KIF9: variants seen among roughly 807,000 people sequenced by gnomAD.
KIF9 encodes the protein kinesin-like protein KIF9.
Under a neutral mutation model 94.8 loss-of-function variants are expected in KIF9, and 68 were observed. That is an observed-to-expected ratio of 0.72 (90% CI 0.59 to 0.88). The LOEUF (loss-of-function observed/expected upper bound fraction) is 0.88, where lower values mean the gene tolerates loss of function less well. Among genes scored for constraint, KIF9 ranks in the 40% least tolerant of loss-of-function variants. KIF9 has a pLI of 0.00. For synonymous variants in KIF9, 343 were observed against 362.1 expected, an observed-to-expected ratio of 0.95 and a Z score of 0.60; for missense variants, 882 against 982.5, an observed-to-expected ratio of 0.90 and a Z score of 1.37.
rs1178043860 is a variant in KIF9, at chr3:47,243,104, G to T, written c.1656C>A (p.Ser552=). Residue 552 remains serine (S), a synonymous_variant, in exon 16 of 21, where the codon TCC becomes TCA. Transcript: ENST00000684063. ...KDMLSRDRET[S]SIEPLPSDSP... ...AGTCTGAGGGAAGGGGCTCAATGCT[G>T]GAAGTTTCCCGGTCCCGCGAAAGCA... The T allele has an allele frequency of 1.9e-6, 3 of 1,613,806 alleles. No individual in the cohort carries two copies. The South Asian group carries it at 3.3e-5, about 18-fold the overall frequency.
At chr3:47,249,239 G>T (rs551148430) in intron 10 of KIF9, among the ~76,000 whole-genome samples, 6 of 150,672 alleles carry the variant, frequency 4.0e-5, no homozygotes, top group African/African-American at 1.2e-4. Context: ...TCTGCCTCCC[G>T]GGTTCATGTA....
rs199777466 is a variant in KIF9, at chr3:47,267,025, T to C, written c.719A>G (p.Lys240Arg). Residue 240 changes from lysine to arginine, a missense_variant, in exon 7 of 21, where the codon AAA (lysine) becomes AGA (arginine). Transcript: ENST00000684063. Reference sequence around the variant, plus strand: ...GCCTGCCAGATCCACCAAGTTAATTTTGGAAGTGATGTACTTTTCCTCTGA... The same window carrying C: ...GCCTGCCAGATCCACCAAGTTAATTCTGGAAGTGATGTACTTTTCCTCTGA... The part of the protein sequence containing the change: ...TLSEEKYITS[K>R]INLVDLAGSE... 1 of 1,613,882 alleles carries C rather than the reference T, an allele frequency of 6.2e-7. No homozygotes were observed. The highest frequency in any genetic ancestry group is 2.2e-5 in the East Asian group (1 of 44,874).
At chr3:47,268,776 G>A (rs1214883898) in intron 5 of KIF9, among the ~76,000 whole-genome samples, 4 of 151,802 alleles carry the variant, frequency 2.6e-5, no homozygotes, top group African/African-American at 7.3e-5. Flanking sequence ...GTAGAGACAG[G>A]GTTTCGCCAT....
At chr3:47,231,190 A>G (rs1284339302) in intron 20 of KIF9, among the ~76,000 whole-genome samples, 3 of 152,172 alleles carry the variant, frequency 2.0e-5, no homozygotes, top group African/African-American at 4.8e-5. Flanking sequence ...GCAGTATGCA[A>G]AAAGATAACG....
intron 15 of KIF9, 81 bp downstream of exon 15, chr3:47,244,710 A>G: frequency 1.3e-6 from 2 of 1,516,064 alleles, no homozygotes; most frequent in South Asian, 1.2e-5. Context: ...ACCAGGGGGA[A>G]AGTGGGAACA....
At chr3:47,242,768 G>A (rs191864250) in intron 16 of KIF9, among the ~76,000 whole-genome samples, 184 of 152,264 alleles carry the variant, frequency 1.2e-3, no homozygotes, top group Middle Eastern at 0.01. Flanking sequence ...TAAATCTTTT[G>A]AATGCAGTAC....
In KIF9 at chr3:47,236,020, C is replaced by T; in HGVS notation, c.2217+14G>A. The T allele has an allele frequency of 1.3e-6, 2 of 1,594,276 alleles. No individual in the cohort carries two copies. The highest frequency in any genetic ancestry group is 1.7e-6 in the Non-Finnish European group (2 of 1,162,246). ...GTTCAACCACTGCCACACCCCTGCC[C>T]CTGTGCCGCTCACCAGAGACACAAT... On this transcript the variant is annotated intron_variant, in intron 19 of 20. Transcript: ENST00000684063.
At position 47,247,432 on chromosome 3, in the gene KIF9, T is replaced by C; in HGVS notation, c.1174A>G (p.Ile392Val). The C allele has an allele frequency of 1.2e-6, 2 of 1,613,982 alleles. No individual in the cohort carries two copies. The highest frequency in any genetic ancestry group is 8.5e-7 in the Non-Finnish European group (1 of 1,179,846). The change falls in exon 12 of 21, where the codon ATT (isoleucine) becomes GTT (valine). Residue 392 changes from isoleucine (I) to valine (V), a missense_variant. By Grantham distance (29) the Ile-to-Val change is conservative (BLOSUM62 3). Coordinates refer to ENST00000684063, the MANE Select transcript of KIF9 (RefSeq NM_182902.4). The stretch of plus-strand genomic sequence containing the variant: ...CGCACCTGGGAGTTGATCTCAGCAA[T>C]CTGGATTTCATCCATGGGGTCATAG... Reference protein sequence around the residue: ...VTYDPMDEIQIAEINSQVRRY... With the variant: ...VTYDPMDEIQVAEINSQVRRY...
chr3:47,241,852 A>ACATG (rs1699551344), intron 16 of KIF9, among the ~76,000 whole-genome samples: 1 of 118,076 alleles, frequency 8.5e-6, no homozygotes, highest in Non-Finnish European at 1.8e-5. Flanking sequence ...AAATATATAT[A>ACATG]TATATATATA....
chr3:47,254,413 G>C (rs144439471), intron 10 of KIF9, among the ~76,000 whole-genome samples: 3 of 152,132 alleles, frequency 2.0e-5, no homozygotes, highest in Non-Finnish European at 2.9e-5. Flanking sequence ...AGCTGAGATC[G>C]CACCACTGCA....
At chr3:47,231,410 T>TC (rs1698573403) in intron 20 of KIF9, among the ~76,000 whole-genome samples, 1 of 108,608 alleles carries the variant, frequency 9.2e-6, no homozygotes, top group Non-Finnish European at 2.1e-5. Flanking sequence ...TCTACTTTTT[T>TC]TTTTTTTTTT....
chr3:47,262,236 T>TA (rs1244898940), intron 9 of KIF9, among the ~76,000 whole-genome samples: 1 of 151,996 alleles, frequency 6.6e-6, no homozygotes, highest in Admixed American at 6.5e-5. Flanking sequence ...GCCCATTTCT[T>TA]ATGGCTCTTC....
At chr3:47,281,095 C>A (rs751768679) in intron 1 of KIF9, 20 of 696,318 alleles carry the variant, frequency 2.9e-5, no homozygotes, top group Middle Eastern at 2.3e-4. Context: ...CAGAGCCCAG[C>A]ACAGAGTAGG....
At chr3:47,239,811 T>G in intron 17 of KIF9, 1 of 1,367,474 alleles carries the variant, frequency 7.3e-7, no homozygotes, top group Non-Finnish European at 9.8e-7. Flanking sequence ...GCATCTGACT[T>G]GCAGGAATAA....
At chr3:47,244,544 A>G (rs1035773959) in intron 15 of KIF9, 7 of 475,324 alleles carry the variant, frequency 1.5e-5, no homozygotes, top group African/African-American at 1.2e-4. Flanking sequence ...CTGTTTCTTC[A>G]TCAGTGTAAT....
intron 11 of KIF9, 24 bp downstream of exon 11, chr3:47,247,994 C>T (rs1559437276): frequency 6.3e-7 from 1 of 1,593,956 alleles, no homozygotes; most frequent in South Asian, 1.1e-5. Context: ...CCTCTGCCCT[C>T]CTTCTTTGCC....
At chr3:47,261,351 G>T (rs1240558889) in intron 9 of KIF9, among the ~76,000 whole-genome samples, 1 of 152,216 alleles carries the variant, frequency 6.6e-6, no homozygotes, top group Non-Finnish European at 1.5e-5. Flanking sequence ...TCTCTCTGGA[G>T]GGGGAGCCAG....
intron 5 of KIF9, among the ~76,000 whole-genome samples, chr3:47,270,001 C>T (rs1056590361): frequency 3.9e-5 from 6 of 152,000 alleles, no homozygotes; most frequent in Non-Finnish European, 7.4e-5. Flanking sequence ...ATCTCCTGAT[C>T]TTGTGATCCG....
rs369785545 is a variant in KIF9, at chr3:47,228,635, G to A, written c.*17C>T. On this transcript the variant is annotated 3_prime_UTR_variant, in exon 21 of 21. Transcript: ENST00000684063. ...GGAGTTGCTGGTCTTGTCCTTTAAG[G>A]TACTGGCGATGAGGTTCTATTTTCT... The A allele has an allele frequency of 3.4e-5, 55 of 1,609,630 alleles. No homozygotes were observed. The African/African-American group carries it at 7.2e-4, about 21-fold the overall frequency.
Sources: allele counts gnomAD v4.1 joint callset (sites outside exome capture counted in the v4.1 genomes callset), GRCh38; gene constraint gnomAD v4.1.1; transcripts MANE v1.5; gene names NCBI Gene and HGNC (gene_info 2026-07-23, HGNC 2026-07-21).